Variants in DHCR7 observed in about 807,000 individuals in gnomAD.
The protein encoded by DHCR7 is 7-dehydrocholesterol reductase.
DHCR7 carries 40 observed loss-of-function variants against 43.3 expected under a neutral mutation model. The observed-to-expected ratio is 0.92, with a 90% CI of 0.72 to 1.20. DHCR7 has a LOEUF of 1.20. DHCR7 is among the 50% of genes most tolerant of loss of function. The pLI, the probability that DHCR7 is intolerant of heterozygous loss-of-function variation, is 0.00. For synonymous variants in DHCR7, 298 were observed against 271.4 expected, an observed-to-expected ratio of 1.10 and a Z score of -0.96; for missense variants, 608 against 644.6, an observed-to-expected ratio of 0.94 and a Z score of 0.62.
At chr11:71,448,615 GC>G, upstream of DHCR7, 1 of 152,264 alleles carries the variant, frequency 6.6e-6, no homozygotes, top group South Asian at 2.1e-4. Context: ...GGTGGGCGCA[GC>G]CTCTGGCGCT....
At chr11:71,438,806 T>A (rs968616127) in intron 7 of DHCR7, 73 bp downstream of exon 7, 2 of 1,475,660 alleles carry the variant, frequency 1.4e-6, no homozygotes, top group African/African-American at 2.8e-5. Flanking sequence ...GTCATGGGAA[T>A]ACGCTCTGGC....
intron 3 of DHCR7, 69 bp downstream of exon 3, chr11:71,444,786 A>T (rs1259660729): frequency 1.4e-6 from 2 of 1,440,814 alleles, no homozygotes; most frequent in Admixed American, 3.3e-5. Flanking sequence ...GGTCCATACA[A>T]TTCCAAAGGC....
intron 7 of DHCR7, 134 bp downstream of exon 7, chr11:71,438,745 G>C: frequency 1.0e-6 from 1 of 952,810 alleles, no homozygotes; most frequent in East Asian, 2.6e-5. Context: ...GCTGCTTCCT[G>C]GTGACACCTG....
In DHCR7 at chr11:71,435,441, C is replaced by T. The variant is rs147850435; in HGVS notation, c.1362G>A (p.Lys454=). ...CLRDEHRCAS[K]YGRDWERYTA... ...TGTAGCGCTCCCAGTCCCGGCCGTA[C>T]TTGCTGGCGCAGCGGTGCTCGTCCC... Residue 454 remains lysine (K), a synonymous_variant, in exon 9 of 9, where the codon AAG becomes AAA. Transcript: ENST00000355527. 2.4e-4 allele frequency: 390 copies of T among 1,612,664 alleles called. No individual in the cohort carries two copies. The highest frequency in any genetic ancestry group is 3.2e-4 in the Non-Finnish European group (377 of 1,180,004).
At chr11:71,438,691 G>C (rs941370516) in intron 7 of DHCR7, 188 bp downstream of exon 7, 2 of 666,702 alleles carry the variant, frequency 3.0e-6, no homozygotes, top group African/African-American at 3.6e-5. Flanking sequence ...AGGGCTGGCA[G>C]AGACAGGCAC....
In DHCR7 at chr11:71,437,927, T is replaced by G; in HGVS notation, c.848A>C (p.Asp283Ala). The G allele has an allele frequency of 6.2e-7, 1 of 1,613,438 alleles. No homozygotes were observed. The highest frequency in any genetic ancestry group is 8.5e-7 in the Non-Finnish European group (1 of 1,179,994). Residue 283 changes from aspartate to alanine, a missense_variant, in exon 8 of 9, where the codon GAC becomes GCC. By Grantham distance (126) the Asp-to-Ala change is moderately radical. Transcript: ENST00000355527. Reference protein sequence around the residue: ...VNVLQAIYVIDFFWNETWYLK... With the variant: ...VNVLQAIYVIAFFWNETWYLK... ...GTACCAGGTTTCGTTCCAGAAGAAG[T>G]CAATCACGTAGATGGCCTGCAAGAC...
In DHCR7 at chr11:71,438,023, A is replaced by G. The variant is rs949176; in HGVS notation, c.832-80T>C. The stretch of plus-strand genomic sequence containing the variant: ...ACCTCGGGGAAATCACACTCCACGC[A>G]GATGCAGCAGGGGGTGCTCGGGAGC... On this transcript the variant is annotated intron_variant, in intron 7 of 8. Coordinates refer to ENST00000355527, the MANE Select transcript of DHCR7 (RefSeq NM_001360.3). The G allele has an allele frequency of 0.92, 1,428,590 of 1,559,684 alleles. 660,876 individuals are homozygous for G. Among genetic ancestry groups the G allele is most frequent in the Non-Finnish European group, 0.96 (1,096,011 of 1,143,030 alleles).
chr11:71,429,386 G>T (rs1949216770), intron 2 of DHCR7, among the ~76,000 whole-genome samples: 1 of 152,192 alleles, frequency 6.6e-6, no homozygotes, highest in Non-Finnish European at 1.5e-5. Context: ...GGATAGTCTG[G>T]CTGTTGAGCC....
Position 71,441,220 on chromosome 11 carries a change from A to G in DHCR7, c.626+7T>C. Reference sequence around the variant, plus strand: ...ACATCAGGCTGGACCCGCTGCTAAGAACATACCAGTCTCTGGCGCTGGTGG... The same window carrying G: ...ACATCAGGCTGGACCCGCTGCTAAGGACATACCAGTCTCTGGCGCTGGTGG... On this transcript the variant is annotated splice_region_variant and intron_variant, in intron 6 of 8. Coordinates refer to ENST00000355527, the MANE Select transcript of DHCR7 (RefSeq NM_001360.3). The G allele has an allele frequency of 6.2e-7, 1 of 1,613,968 alleles. No individual in the cohort carries two copies. Among genetic ancestry groups the G allele is most frequent in the East Asian group, 2.2e-5 (1 of 44,888 alleles).
In DHCR7 at chr11:71,448,273, A is replaced by G. The variant is rs2120358111; in HGVS notation, c.-132+17T>C. On this transcript the variant is annotated intron_variant, in intron 1 of 8. Coordinates refer to ENST00000355527, the MANE Select transcript of DHCR7 (RefSeq NM_001360.3). ...CACCTTCCCCTGGCCTCACCTGCGC[A>G]CACCTTGGCCACTCACCTGCGCACA... 1.3e-5 allele frequency: 2 copies of G among 154,416 alleles called. No individual in the cohort carries two copies. The highest frequency in any genetic ancestry group is 6.4e-3 in the Middle Eastern group (2 of 314). 9.6% of individuals were successfully genotyped at this position (154,416 alleles called of 1,614,324 possible).
chr11:71,437,934 C>T lies in DHCR7; in HGVS notation c.841G>A (p.Val281Met), dbSNP rs398123607. The T allele has an allele frequency of 3.0e-5, 49 of 1,613,210 alleles. No homozygotes were observed. The Admixed American group carries it at 5.3e-4, about 18-fold the overall frequency. ...GTTTCGTTCCAGAAGAAGTCAATCA[C>T]GTAGATGGCCTGCAAGACAGAAGCA... ...VLVNVLQAIY[V>M]IDFFWNETWY... The change falls in exon 8 of 9, where the codon GTG (valine) becomes ATG (methionine). Residue 281 changes from valine to methionine, a missense_variant. By Grantham distance (21) the Val-to-Met change is conservative. Coordinates refer to ENST00000355527, the MANE Select transcript of DHCR7 (RefSeq NM_001360.3).
intron 4 of DHCR7, 86 bp downstream of exon 4, chr11:71,443,907 T>C (rs1380195635): frequency 2.0e-5 from 22 of 1,095,172 alleles, no homozygotes; most frequent in Admixed American, 7.4e-5. Context: ...CCAGGATCCA[T>C]GTCCCAGACA....
downstream of DHCR7, among the ~76,000 whole-genome samples, chr11:71,427,906 C>A (rs1314587388): frequency 2.0e-5 from 3 of 152,128 alleles, no homozygotes; most frequent in African/African-American, 4.8e-5. Context: ...TGTCAAAATT[C>A]TAGACCTCCA....
At position 71,438,968 on chromosome 11, in the gene DHCR7, A is replaced by G. The variant is rs886044494; in HGVS notation, c.742T>C (p.Trp248Arg). 1.9e-6 allele frequency: 3 copies of G among 1,614,088 alleles called. No individual in the cohort carries two copies. The highest frequency in any genetic ancestry group is 1.3e-5 in the African/African-American group (1 of 75,080). Residue 248 changes from tryptophan (W) to arginine (R), a missense_variant, in exon 7 of 9, where the codon TGG (tryptophan) becomes CGG (arginine). Coordinates refer to ENST00000355527, the MANE Select transcript of DHCR7 (RefSeq NM_001360.3). ...GCGAAGGACAGGTTGATGAGGGTCC[A>G]GGCGACGATCCCGGGGCGCCCATTG... ...FFNGRPGIVA[W>R]TLINLSFAAK...
rs759043350 is a variant in DHCR7, at chr11:71,437,803, C to A, written c.963+9G>T. 1 of 1,613,746 alleles carries A rather than the reference C, an allele frequency of 6.2e-7. No homozygotes were observed. Among genetic ancestry groups the A allele is most frequent in the Admixed American group, 1.7e-5 (1 of 60,034 alleles). Reference sequence around the variant, plus strand: ...TGCCCCGCTGGGCCAGCTCTGCCCACCTCCTCACCTGCAGCGTGTAAAGAT... The same window carrying A: ...TGCCCCGCTGGGCCAGCTCTGCCCAACTCCTCACCTGCAGCGTGTAAAGAT... On this transcript the variant is annotated intron_variant, in intron 8 of 8. Coordinates refer to ENST00000355527, the MANE Select transcript of DHCR7 (RefSeq NM_001360.3).
chr11:71,444,935 T>A lies in DHCR7; in HGVS notation c.18A>T (p.Gln6His), dbSNP rs754333005. 1 of 1,614,214 alleles carries A rather than the reference T, an allele frequency of 6.2e-7. No homozygotes were observed. The highest frequency in any genetic ancestry group is 1.3e-5 in the African/African-American group (1 of 75,054). Residue 6 changes from glutamine (Q) to histidine (H), a missense_variant, in exon 3 of 9, where the codon CAA becomes CAT. Transcript: ENST00000355527. MAAKS[Q>H]PNIPKAKSLD... The stretch of plus-strand genomic sequence containing the variant: ...GACTCTTGGCTTTGGGAATGTTGGG[T>A]TGCGATTTTGCAGCCATTGGGCCCT...
chr11:71,438,663 C>T, intron 7 of DHCR7: 1 of 623,692 alleles, frequency 1.6e-6, no homozygotes, highest in Non-Finnish European at 2.9e-6. Flanking sequence ...CTGCGTAGAA[C>T]CTGCCTCCTC....
At chr11:71,438,712 C>T (rs1949315625) in intron 7 of DHCR7, 167 bp downstream of exon 7, 2 of 733,268 alleles carry the variant, frequency 2.7e-6, no homozygotes, top group Non-Finnish European at 4.6e-6. Context: ...CCAAGGATGG[C>T]TTCCTTCACC....
rs550781403 is a variant in DHCR7 at position 71,434,972 on chromosome 11, T to A, written c.*403A>T. 1 of 393,756 alleles carries A rather than the reference T, an allele frequency of 2.5e-6. No individual in the cohort carries two copies. The highest frequency in any genetic ancestry group is 3.1e-5 in the Admixed American group (1 of 32,274). The allele number at this position is 393,756 out of a possible 1,614,324, so 24.4% of individuals were successfully genotyped here. A position where few individuals can be genotyped will look rare whatever the true frequency, so the allele number is the denominator to read the frequency against. On this transcript the variant is annotated 3_prime_UTR_variant, in exon 9 of 9. Transcript: ENST00000355527. ...ATAACGCGCACGCCCCACTCCCACT[T>A]TTATTTAGCAAGAGTAAATGCAGCC...
Sources: allele counts gnomAD v4.1 joint callset (sites outside exome capture counted in the v4.1 genomes callset), GRCh38; gene constraint gnomAD v4.1.1; transcripts MANE v1.5; gene names NCBI Gene and HGNC (gene_info 2026-07-23, HGNC 2026-07-21).